Variants in ZFHX3 observed in about 807,000 individuals in gnomAD.
ZFHX3 encodes zinc finger homeobox 3.
Under a neutral mutation model 279.1 loss-of-function variants are expected in ZFHX3, and 42 were observed. The observed-to-expected ratio is 0.15, with a 90% CI of 0.12 to 0.19. The LOEUF is 0.19. ZFHX3 is among the 10% of genes least tolerant of loss of function. ZFHX3 has a pLI of 1.00. For missense variants in ZFHX3, 4,981 were observed against 4,754.0 expected, an observed-to-expected ratio of 1.05 and a Z score of -1.40; for synonymous variants, 2,293 against 1,957.8, an observed-to-expected ratio of 1.17 and a Z score of -4.52.
chr16:73,442,760 C>T (rs943876203), intron 3 of ZFHX3, among the ~76,000 whole-genome samples: 1 of 152,056 alleles, frequency 6.6e-6, no homozygotes, highest in Non-Finnish European at 1.5e-5. Context: ...AGGGGAGCAC[C>T]ATGAGCGCAG....
At chr16:73,406,332 C>T (rs1005484865) in intron 3 of ZFHX3, among the ~76,000 whole-genome samples, 2 of 152,322 alleles carry the variant, frequency 1.3e-5, no homozygotes, top group Admixed American at 1.3e-4. Context: ...CAAAGCCCTT[C>T]CTTGGAGCTT....
At chr16:73,115,848 G>C (rs1966425820) in intron 7 of ZFHX3, among the ~76,000 whole-genome samples, 1 of 151,826 alleles carries the variant, frequency 6.6e-6, no homozygotes, top group South Asian at 2.1e-4. Context: ...GCCAGGTACA[G>C]TGGCTCATGC....
At position 73,818,878 on chromosome 16, in the gene ZFHX3, T is replaced by C. The variant is rs1960655005; in HGVS notation, c.-1608+72773A>G. ...CCTACAGTTTCATTGAGATAAACAA[T>C]GACAACCACACAAACAATGACTTAG... On this transcript the variant is annotated intron_variant, in intron 1 of 17. Transcript: ENST00000641206. Among the ~76,000 whole-genome samples, 3 of 152,190 alleles carry C rather than the reference T, an allele frequency of 2.0e-5. No homozygotes were observed. In the South Asian group the frequency reaches 6.2e-4, roughly 31 times the overall value.
intron 7 of ZFHX3, among the ~76,000 whole-genome samples, chr16:73,104,262 G>A (rs749066761): frequency 5.3e-5 from 7 of 131,942 alleles, no homozygotes; most frequent in African/African-American, 1.9e-4. Context: ...ACAGAGTCTC[G>A]CTCTGTCACC....
chr16:72,948,595 A>AAG (rs1960822801), intron 3 of ZFHX3, among the ~76,000 whole-genome samples: 3 of 152,136 alleles, frequency 2.0e-5, no homozygotes, highest in African/African-American at 7.2e-5. Context: ...ACAGACTCTT[A>AAG]TTCAAGACTC....
intron 1 of ZFHX3, among the ~76,000 whole-genome samples, chr16:73,771,541 C>G (rs929913016): frequency 6.6e-6 from 1 of 152,194 alleles, no homozygotes; most frequent in African/African-American, 2.4e-5. Flanking sequence ...ATGCTGAGGT[C>G]TTACCTTCCT....
At chr16:73,399,705 G>T (rs957916517) in intron 3 of ZFHX3, among the ~76,000 whole-genome samples, 2 of 152,064 alleles carry the variant, frequency 1.3e-5, no homozygotes, top group Non-Finnish European at 2.9e-5. Context: ...CTCCATGCTG[G>T]GGGACTGGAG....
intron 7 of ZFHX3, among the ~76,000 whole-genome samples, chr16:73,111,317 G>A (rs571052602): frequency 2.0e-5 from 3 of 152,248 alleles, no homozygotes; most frequent in African/African-American, 7.2e-5. Context: ...CACATTGCTA[G>A]TGAAATTAAA....
At chr16:73,868,625 T>C (rs1962090092) in intron 1 of ZFHX3, among the ~76,000 whole-genome samples, 1 of 152,206 alleles carries the variant, frequency 6.6e-6, no homozygotes, top group African/African-American at 2.4e-5. Flanking sequence ...CATTTTACCA[T>C]GTGAACGCAA....
At chr16:72,922,089 CTG>C (rs1406857411) in intron 3 of ZFHX3, among the ~76,000 whole-genome samples, 1 of 152,326 alleles carries the variant, frequency 6.6e-6, no homozygotes, top group Non-Finnish European at 1.5e-5. Context: ...CACTCTGCCA[CTG>C]AGTCACCGAA....
Position 72,889,728 on chromosome 16 carries a change from C to T in ZFHX3, c.3448+3G>A. ...GGCCTCCCATGCCTGTGAGACCACT[C>T]ACCTGGGTCCGTGGAGGGGCACCTG... is the stretch of plus-strand genomic sequence containing the variant. On this transcript the variant is annotated splice_donor_region_variant and intron_variant, in intron 4 of 9. Transcript: ENST00000268489. 1.9e-6 allele frequency: 3 copies of T among 1,611,712 alleles called. No homozygotes were observed. The highest frequency in any genetic ancestry group is 2.5e-6 in the Non-Finnish European group (3 of 1,179,642).
At chr16:73,480,327 C>G (rs1450523563) in intron 2 of ZFHX3, among the ~76,000 whole-genome samples, 2 of 152,176 alleles carry the variant, frequency 1.3e-5, no homozygotes, top group Admixed American at 1.3e-4. Flanking sequence ...TAGCGGCCAC[C>G]ACCTGCTTAC....
At chr16:73,051,181 T>G (rs532889128), upstream of ZFHX3, among the ~76,000 whole-genome samples, 173 of 152,352 alleles carry the variant, frequency 1.1e-3, no homozygotes, top group Middle Eastern at 6.8e-3. Context: ...CTTCTATTTT[T>G]ATTAAATTAT....
chr16:73,443,791 G>A (rs1471814822), intron 3 of ZFHX3, among the ~76,000 whole-genome samples: 1 of 151,936 alleles, frequency 6.6e-6, no homozygotes, highest in Admixed American at 6.6e-5. Context: ...GTCTAGCTCT[G>A]TTGCCCAGGC....
In ZFHX3 at chr16:72,794,905, T is replaced by A; in HGVS notation, c.7777A>T (p.Ile2593Leu). 3 of 1,614,028 alleles carry A rather than the reference T, an allele frequency of 1.9e-6. No homozygotes were observed. The highest frequency in any genetic ancestry group is 8.5e-7 in the Non-Finnish European group (1 of 1,179,992). The change falls in exon 9 of 10, where the codon ATA becomes TTA. Residue 2593 changes from isoleucine to leucine, a missense_variant. Physicochemically the swap from Ile to Leu is conservative, Grantham distance 5. Coordinates refer to ENST00000268489, the MANE Select transcript of ZFHX3 (RefSeq NM_006885.4). This position sits in a 1 kb window ranked among gnomAD's most constrained non-coding sequence, Gnocchi z 4.2. ...LLASQLLSGA[I>L]PQIPASSATS... ...GCTGAGCTTGCTGGAATCTGAGGTA[T>A]GGCCCCAGAGAGCAGCTGGCTGGCC... is the stretch of plus-strand genomic sequence containing the variant.
rs142069804 is a variant in ZFHX3, at chr16:73,249,966, G to T, written c.-1104+7081C>A. Among the ~76,000 whole-genome samples the T allele has an allele frequency of 8.5e-5, 13 of 152,320 alleles. No individual in the cohort carries two copies. In the East Asian group the frequency reaches 2.3e-3, roughly 27 times the overall value. ...TGAAGTCTCACAATAACAAGTGTCA[G>T]CATGGATGTAAAGGATGACAGCAAC... On this transcript the variant is annotated intron_variant, in intron 5 of 17. Coordinates refer to the ZFHX3 transcript ENST00000641206.
At chr16:73,410,112 T>C (rs930653593) in intron 3 of ZFHX3, among the ~76,000 whole-genome samples, 1 of 152,146 alleles carries the variant, frequency 6.6e-6, no homozygotes, top group African/African-American at 2.4e-5. Flanking sequence ...TAATTTATTG[T>C]ACATTCAAAA....
intron 2 of ZFHX3, among the ~76,000 whole-genome samples, chr16:73,535,103 C>G (rs945913894): frequency 6.6e-6 from 1 of 152,142 alleles, no homozygotes; most frequent in Admixed American, 6.5e-5. Flanking sequence ...AATTCTCCCA[C>G]TGTGGTTGAT....
chr16:73,712,474 A>G (rs1003070965), intron 1 of ZFHX3, among the ~76,000 whole-genome samples: 2 of 152,090 alleles, frequency 1.3e-5, no homozygotes, highest in Non-Finnish European at 2.9e-5. Flanking sequence ...TCTCGGGTGT[A>G]ATTTTCTCCC....
Sources: gnomAD v4.1 joint callset for allele counts (sites outside exome capture counted in the v4.1 genomes callset) on GRCh38, gnomAD v4.1.1 for gene constraint, Gnocchi (gnomAD v3.1) non-coding constraint, MANE v1.5 for transcripts, NCBI Gene and HGNC (gene_info 2026-07-23, HGNC 2026-07-21) for gene names.